The following ZFHX3 variants were observed in gnomAD, a reference collection of about 807,000 sequenced individuals.
ZFHX3 encodes the protein zinc finger homeobox 3.
ZFHX3 carries 42 observed loss-of-function variants against 279.1 expected under a neutral mutation model. That is an observed-to-expected ratio of 0.15 (90% confidence interval 0.12 to 0.19). The LOEUF (loss-of-function observed/expected upper bound fraction) is 0.19. ZFHX3 is among the 10% of genes least tolerant of loss of function. ZFHX3 has a pLI of 1.00. For synonymous variants in ZFHX3, 2,293 were observed against 1,957.8 expected (o/e 1.17, Z -4.52); for missense variants, 4,981 against 4,754.0 (o/e 1.05, Z -1.40).
intron 4 of ZFHX3, among the ~76,000 whole-genome samples, chr16:73,308,193 T>C (rs1192842435): frequency 7.1e-6 from 1 of 141,208 alleles, no homozygotes; most frequent in Non-Finnish European, 1.5e-5. Context: ...TAGTTAAAAG[T>C]TTAGATTGAG....
chr16:73,860,488 T>C (rs1415747656), intron 1 of ZFHX3, among the ~76,000 whole-genome samples: 1 of 152,112 alleles, frequency 6.6e-6, no homozygotes, highest in East Asian at 1.9e-4. Context: ...GTAAGATTCA[T>C]TGTCTGTAAA....
Position 73,315,231 on chromosome 16 carries a change from A to G in ZFHX3, c.-1194+3009T>C, listed in dbSNP as rs562344262. 1.3e-3 allele frequency among the ~76,000 whole-genome samples: 204 copies of G among 152,044 alleles called. 1 individual carries two copies. The highest frequency in any genetic ancestry group is 2.5e-3 in the Non-Finnish European group (167 of 67,964). On this transcript the variant is annotated intron_variant, in intron 4 of 17. Transcript: ENST00000641206. The stretch of plus-strand genomic sequence containing the variant: ...TCCATCTCAAAAAGAAAAAAAAAAA[A>G]AAGAAAAAAGAGCATTTAATATAGT...
chr16:73,756,468 T>G (rs2053810253), intron 1 of ZFHX3, among the ~76,000 whole-genome samples: 1 of 152,158 alleles, frequency 6.6e-6, no homozygotes, highest in Non-Finnish European at 1.5e-5. Context: ...TGAGCTTGCG[T>G]CTGTCTTCTT....
chr16:72,831,963 G>A (rs548489477), intron 4 of ZFHX3, among the ~76,000 whole-genome samples: 332 of 152,238 alleles, frequency 2.2e-3, no homozygotes, highest in Admixed American at 4.0e-3. Flanking sequence ...GCAATCTCCA[G>A]CATAAATGGG....
At chr16:73,836,494 A>T (rs546979922) in intron 1 of ZFHX3, among the ~76,000 whole-genome samples, 5 of 152,232 alleles carry the variant, frequency 3.3e-5, no homozygotes, top group Non-Finnish European at 5.9e-5. Flanking sequence ...ACGTAAGAAT[A>T]ACAATCCTCA....
intron 2 of ZFHX3, among the ~76,000 whole-genome samples, chr16:73,474,462 T>C (rs1436426687): frequency 6.6e-6 from 1 of 152,172 alleles, no homozygotes; most frequent in African/African-American, 2.4e-5. Context: ...TCTTTTACTA[T>C]TAAAAAATAT....
chr16:73,446,243 T>C (rs990802141), intron 3 of ZFHX3, among the ~76,000 whole-genome samples: 6 of 152,200 alleles, frequency 3.9e-5, no homozygotes, highest in African/African-American at 1.4e-4. Flanking sequence ...TCCTTTCTCA[T>C]GCTGCTATGA....
In ZFHX3 at chr16:72,960,330, A is replaced by G. The variant is rs1961514600; in HGVS notation, c.-49-136T>C. On this transcript the variant is annotated intron_variant, in intron 1 of 9. Coordinates refer to ENST00000268489, the MANE Select transcript of ZFHX3 (RefSeq NM_006885.4). ...GCTTCTGTCCACAACACAGAGACAC[A>G]GGGCGGAGGGCGGGCCTGGGGACAC... The G allele has an allele frequency of 2.0e-5, 12 of 599,490 alleles. No homozygotes were observed. The East Asian group carries it at 3.8e-4, about 19-fold the overall frequency. 37.1% of individuals were successfully genotyped at this position (599,490 alleles called of 1,614,324 possible).
At chr16:73,476,977 A>G (rs2018776054) in intron 2 of ZFHX3, among the ~76,000 whole-genome samples, 1 of 152,196 alleles carries the variant, frequency 6.6e-6, no homozygotes, top group African/African-American at 2.4e-5. Flanking sequence ...TAGCCTTTAA[A>G]CTGTTTGCAA....
chr16:73,043,433 T>C, intron 1 of ZFHX3, among the ~76,000 whole-genome samples: 1 of 152,214 alleles, frequency 6.6e-6, no homozygotes, highest in African/African-American at 2.4e-5. Flanking sequence ...GCAAACTTTC[T>C]ATGTCTCCCT....
chr16:72,939,625 G>A (rs536355558), intron 3 of ZFHX3, among the ~76,000 whole-genome samples: 1 of 152,176 alleles, frequency 6.6e-6, no homozygotes, highest in African/African-American at 2.4e-5. Context: ...CAGTGGCTCA[G>A]GCCTGTAATC....
At position 73,740,174 on chromosome 16, in the gene ZFHX3, T is replaced by C. The variant is rs541115937; in HGVS notation, c.-1607-59934A>G. Among the ~76,000 whole-genome samples, 34 of 152,260 alleles carry C rather than the reference T, an allele frequency of 2.2e-4. No homozygotes were observed. The Middle Eastern group carries it at 0.01, about 46-fold the overall frequency. On this transcript the variant is annotated intron_variant, in intron 1 of 17. Coordinates refer to the ZFHX3 transcript ENST00000641206. ...TGCAAATAACTTTGGTAATGTAATA[T>C]TGTGGCTGAGACTTTAAACTCAAGG... is the stretch of plus-strand genomic sequence containing the variant.
At chr16:73,057,563 G>A (rs1414874973) in intron 1 of ZFHX3, among the ~76,000 whole-genome samples, 3 of 150,174 alleles carry the variant, frequency 2.0e-5, no homozygotes, top group African/African-American at 7.3e-5. Context: ...AGAAGAAGAA[G>A]AAAGAAAAGA....
intron 5 of ZFHX3, among the ~76,000 whole-genome samples, chr16:73,151,098 G>T (rs1488071401): frequency 6.6e-6 from 1 of 152,176 alleles, no homozygotes; most frequent in East Asian, 1.9e-4. Context: ...CACACTGAAT[G>T]ATTCTATTTA....
chr16:73,619,734 C>A (rs2052340108), intron 2 of ZFHX3, among the ~76,000 whole-genome samples: 1 of 151,952 alleles, frequency 6.6e-6, no homozygotes, highest in South Asian at 2.1e-4. Flanking sequence ...ACCAGGAATA[C>A]CCTACCCCAT....
At chr16:72,921,727 C>A (rs555658901) in intron 3 of ZFHX3, among the ~76,000 whole-genome samples, 2 of 152,292 alleles carry the variant, frequency 1.3e-5, no homozygotes, top group East Asian at 3.9e-4. Context: ...GAAAAGGGGG[C>A]AGTGCCTGGC....
intron 3 of ZFHX3, among the ~76,000 whole-genome samples, chr16:73,409,474 C>A (rs895255521): frequency 6.6e-6 from 1 of 152,150 alleles, no homozygotes; most frequent in African/African-American, 2.4e-5. Context: ...ATAACAAATG[C>A]TGGCAAGGAT....
intron 3 of ZFHX3, among the ~76,000 whole-genome samples, chr16:73,418,603 T>G (rs1221168192): frequency 1.3e-5 from 2 of 152,232 alleles, no homozygotes; most frequent in Non-Finnish European, 2.9e-5. Flanking sequence ...AGACAACAGC[T>G]TAGCCCTGCC....
intron 3 of ZFHX3, among the ~76,000 whole-genome samples, chr16:73,337,889 TGGCG>T (rs369512115): frequency 0.017 from 515 of 30,738 alleles, 26 homozygotes; most frequent in African/African-American, 0.029. Context: ...CATCTTCCCT[TGGCG>T]GGGGGGGGGG....
Sources: allele counts gnomAD v4.1 joint callset (sites outside exome capture counted in the v4.1 genomes callset), GRCh38; gene constraint gnomAD v4.1.1; transcripts MANE v1.5; gene names NCBI Gene and HGNC (gene_info 2026-07-23, HGNC 2026-07-21).